Variants in UBE2O observed in about 807,000 individuals in gnomAD.
UBE2O encodes the protein (E3-independent) E2 ubiquitin-conjugating enzyme.
A neutral mutation model predicts 125.8 loss-of-function variants in UBE2O; 15 were observed. The ratio of observed to expected loss-of-function variants is 0.12; its 90% CI spans 0.08 to 0.18. The LOEUF is 0.18. Ranked by LOEUF, UBE2O falls within the 10% of genes least tolerant of loss-of-function variation. The pLI is 1.00. For synonymous variants in UBE2O, 708 were observed against 703.2 expected, an observed-to-expected ratio of 1.01 and a Z score of -0.11; for missense variants, 1,280 against 1,723.6, an observed-to-expected ratio of 0.74 and a Z score of 4.56.
chr17:76,433,683 G>A (rs1473827299), intron 1 of UBE2O, among the ~76,000 whole-genome samples: 1 of 150,856 alleles, frequency 6.6e-6, no homozygotes, highest in Non-Finnish European at 1.5e-5. Flanking sequence ...CTGCATTCCA[G>A]CCTGGGTGAC....
rs954806839 is a variant in UBE2O, at chr17:76,404,507, C to T, written c.588+699G>A. Among the ~76,000 whole-genome samples, 8 of 152,210 alleles carry T rather than the reference C, an allele frequency of 5.3e-5. No individual in the cohort carries two copies. The highest frequency in any genetic ancestry group is 1.7e-4 in the African/African-American group (7 of 41,438). On this transcript the variant is annotated intron_variant, in intron 3 of 17. Transcript: ENST00000319380. This position sits in a 1 kb window ranked among gnomAD's most constrained non-coding sequence, Gnocchi z 4.3. ...GATTGGAGAGAAAATGAAGAGATGACAACTCAATGCAAGATGTGTTCCTGA... is the reference window on the plus strand; with the variant it reads ...GATTGGAGAGAAAATGAAGAGATGATAACTCAATGCAAGATGTGTTCCTGA...
intron 1 of UBE2O, among the ~76,000 whole-genome samples, chr17:76,424,384 A>G (rs2072767945): frequency 7.1e-6 from 1 of 140,494 alleles, no homozygotes; most frequent in South Asian, 2.2e-4. Context: ...AATTTTTTGT[A>G]TTTTTGTAGA....
At position 76,402,739 on chromosome 17, in the gene UBE2O, C is replaced by T; in HGVS notation, c.589-40G>A. The T allele has an allele frequency of 1.3e-6, 2 of 1,528,266 alleles. No individual in the cohort carries two copies. Among genetic ancestry groups the T allele is most frequent in the Non-Finnish European group, 1.8e-6 (2 of 1,101,740 alleles). The allele number at this position is 1,528,266 out of a possible 1,614,324, so 94.7% of individuals were successfully genotyped here. A position where few individuals can be genotyped will look rare whatever the true frequency, so the allele number is the denominator to read the frequency against. On this transcript the variant is annotated intron_variant, in intron 3 of 17. Coordinates refer to ENST00000319380, the MANE Select transcript of UBE2O (RefSeq NM_022066.4). The surrounding 1 kb of genome is among the most constrained non-coding windows in gnomAD (Gnocchi z 5.4). ...GGCAGGGGCAGTGAGACACAGCAGACAACGTTCATGTCCAGGGCACAGATT... is the reference window on the plus strand; with the variant it reads ...GGCAGGGGCAGTGAGACACAGCAGATAACGTTCATGTCCAGGGCACAGATT...
chr17:76,450,722 A>G (rs997928410), intron 1 of UBE2O, among the ~76,000 whole-genome samples: 8 of 152,130 alleles, frequency 5.3e-5, no homozygotes, highest in Non-Finnish European at 1.0e-4. Context: ...CCCTGGTTCA[A>G]GCAATTCTCC....
intron 1 of UBE2O, among the ~76,000 whole-genome samples, chr17:76,443,885 T>C (rs189018767): frequency 2.0e-5 from 3 of 152,292 alleles, no homozygotes; most frequent in East Asian, 3.9e-4. Context: ...ACATTTGGTA[T>C]AGTCTGGTAT....
intron 1 of UBE2O, among the ~76,000 whole-genome samples, chr17:76,439,392 T>C (rs535281487): frequency 6.6e-6 from 1 of 152,310 alleles, no homozygotes; most frequent in Admixed American, 6.5e-5. Flanking sequence ...TGAAACCCTT[T>C]CAGGAGGTCC....
intron 1 of UBE2O, among the ~76,000 whole-genome samples, chr17:76,440,254 T>A (rs2073057510): frequency 6.6e-6 from 1 of 152,250 alleles, no homozygotes; most frequent in Non-Finnish European, 1.5e-5. Context: ...ACTTATCATA[T>A]GAGTTATATG....
intron 1 of UBE2O, among the ~76,000 whole-genome samples, chr17:76,416,256 A>G (rs1294220648): frequency 9.2e-5 from 14 of 151,990 alleles, no homozygotes; most frequent in African/African-American, 3.1e-4. Context: ...ATATGTATGT[A>G]TATGTATATA....
intron 1 of UBE2O, among the ~76,000 whole-genome samples, chr17:76,448,677 G>A (rs191897338): frequency 5.3e-4 from 81 of 152,380 alleles, no homozygotes; most frequent in African/African-American, 1.8e-3. Context: ...CTTTGCCTCC[G>A]AAACGAAGGC....
chr17:76,397,740 C>T (rs2072239159), intron 13 of UBE2O, 59 bp downstream of exon 13: 1 of 1,540,274 alleles, frequency 6.5e-7, no homozygotes, highest in Admixed American at 1.7e-5. Flanking sequence ...ACGCCTGTGG[C>T]CCCCGGCCCA....
chr17:76,418,937 T>C, intron 1 of UBE2O, among the ~76,000 whole-genome samples: 1 of 152,122 alleles, frequency 6.6e-6, no homozygotes, highest in Non-Finnish European at 1.5e-5. Flanking sequence ...ACCCATTGAA[T>C]AAATTTCTGG....
chr17:76,444,268 G>C (rs547069686), intron 1 of UBE2O, among the ~76,000 whole-genome samples: 34 of 152,192 alleles, frequency 2.2e-4, no homozygotes, highest in African/African-American at 7.0e-4. Context: ...GGTGTGGTCA[G>C]CTAGGCACCG....
At chr17:76,420,869 G>A (rs1258839824) in intron 1 of UBE2O, among the ~76,000 whole-genome samples, 2 of 152,058 alleles carry the variant, frequency 1.3e-5, no homozygotes, top group Non-Finnish European at 2.9e-5. Context: ...TGGCAGGGAC[G>A]GCCTTGTCAC....
Position 76,398,182 on chromosome 17 carries a change from T to C in UBE2O, c.2025+73A>G, listed in dbSNP as rs189249478. On this transcript the variant is annotated intron_variant, in intron 12 of 17. Transcript: ENST00000319380. The surrounding 1 kb of genome is among the most constrained non-coding windows in gnomAD (Gnocchi z 5.4). ...GGTCTTGTCTCCTAGAGCCACCTGG[T>C]GGCAGCATCAGGGACTGCAGCTGGT... is the stretch of plus-strand genomic sequence containing the variant. The C allele has an allele frequency of 1.3e-6, 2 of 1,597,032 alleles. No homozygotes were observed.
intron 15 of UBE2O, among the ~76,000 whole-genome samples, chr17:76,393,667 G>A (rs535343577): frequency 6.6e-6 from 1 of 152,316 alleles, no homozygotes; most frequent in South Asian, 2.1e-4. Flanking sequence ...GGGGAAGGGG[G>A]GATGGTCTCA....
chr17:76,421,629 T>C (rs2072713440), intron 1 of UBE2O, among the ~76,000 whole-genome samples: 1 of 152,060 alleles, frequency 6.6e-6, no homozygotes, highest in African/African-American at 2.4e-5. Flanking sequence ...CCTCCCAAGG[T>C]GCTAGGATTA....
chr17:76,394,844 T>C (rs2143676081), intron 15 of UBE2O, among the ~76,000 whole-genome samples: 1 of 152,250 alleles, frequency 6.6e-6, no homozygotes, highest in African/African-American at 2.4e-5. Context: ...AAAAGTAGGC[T>C]TGAGGAGTAA....
chr17:76,429,541 C>A (rs1210047599), intron 1 of UBE2O, among the ~76,000 whole-genome samples: 1,210 of 71,514 alleles, frequency 0.017, no homozygotes, highest in Non-Finnish European at 0.019. Context: ...GACTCTGTCT[C>A]AAAAAAAAAA....
chr17:76,451,260 C>T (rs1351470267), intron 1 of UBE2O, among the ~76,000 whole-genome samples: 2 of 152,214 alleles, frequency 1.3e-5, no homozygotes, highest in Non-Finnish European at 2.9e-5. Context: ...ACAGCAATAA[C>T]CCTCTTTTAC....
Sources: allele counts gnomAD v4.1 joint callset (sites outside exome capture counted in the v4.1 genomes callset), GRCh38; gene constraint gnomAD v4.1.1; non-coding constraint Gnocchi (gnomAD v3.1); transcripts MANE v1.5; gene names NCBI Gene and HGNC (gene_info 2026-07-23, HGNC 2026-07-21).